Variants in SDCCAG8 observed in about 807,000 individuals in gnomAD.
The protein encoded by SDCCAG8 is serologically defined colon cancer antigen 8.
In SDCCAG8, 74 loss-of-function variants were observed where a neutral mutation model predicts 101.8. The ratio of observed to expected loss-of-function variants is 0.73; its 90% CI spans 0.60 to 0.88. SDCCAG8 has a LOEUF of 0.88. Among genes scored for constraint, SDCCAG8 ranks in the 40% least tolerant of loss-of-function variants. The pLI is 0.00. For missense variants in SDCCAG8, 787 were observed against 822.6 expected (o/e 0.96, Z 0.53); for synonymous variants, 281 against 292.9 (o/e 0.96, Z 0.41).
chr1:243,323,903 T>C (rs1182085856), intron 9 of SDCCAG8, among the ~76,000 whole-genome samples: 1 of 152,216 alleles, frequency 6.6e-6, no homozygotes, highest in African/African-American at 2.4e-5. Context: ...TGGGTCCACA[T>C]TGTACCATTC....
chr1:243,491,324 CT>C (rs1171975265), intron 17 of SDCCAG8, among the ~76,000 whole-genome samples: 1 of 152,204 alleles, frequency 6.6e-6, no homozygotes, highest in Non-Finnish European at 1.5e-5. Flanking sequence ...GTCTTTCTTT[CT>C]TCTTTTGCCT....
rs375037219 is a variant in SDCCAG8 at position 243,341,096 on chromosome 1, A to C, written c.1279A>C (p.Lys427Gln). The C allele has an allele frequency of 8.7e-6, 14 of 1,613,984 alleles. No homozygotes were observed. The African/African-American group carries it at 1.2e-4, about 14-fold the overall frequency. ...QLEAQVEKVTKEKISAINQLE... is the reference protein window; with the variant it reads ...QLEAQVEKVTQEKISAINQLE... ...GGAGGCCCAGGTGGAAAAGGTTACAAAGGAAAAGATTTCAGCTATTAATCA... is the reference window on the plus strand; with the variant it reads ...GGAGGCCCAGGTGGAAAAGGTTACACAGGAAAAGATTTCAGCTATTAATCA... Residue 427 changes from lysine (K) to glutamine (Q), a missense_variant, in exon 11 of 18, where the codon AAG becomes CAG. By Grantham distance (53) the Lys-to-Gln change is moderately conservative. Coordinates refer to ENST00000366541, the MANE Select transcript of SDCCAG8 (RefSeq NM_006642.5).
chr1:243,340,168 A>G (rs1439034373), intron 10 of SDCCAG8, among the ~76,000 whole-genome samples: 1 of 152,192 alleles, frequency 6.6e-6, no homozygotes, highest in Non-Finnish European at 1.5e-5. Context: ...AGGAACTTCT[A>G]CTCTAATGAG....
intron 16 of SDCCAG8, among the ~76,000 whole-genome samples, chr1:243,469,803 T>A (rs1660848202): frequency 6.6e-6 from 1 of 151,474 alleles, no homozygotes; most frequent in South Asian, 2.1e-4. Flanking sequence ...GGTCCCTTCC[T>A]AGCTACAGGG....
intron 5 of SDCCAG8, 99 bp from the exon 6 acceptor site, chr1:243,292,992 T>G: frequency 7.1e-7 from 1 of 1,410,652 alleles, no homozygotes. Context: ...CATATGCTTT[T>G]TCTTTTCATC....
Position 243,418,027 on chromosome 1 carries a change from G to A in SDCCAG8, c.1804G>A (p.Glu602Lys), listed in dbSNP as rs770778500. 2.5e-5 allele frequency: 40 copies of A among 1,613,040 alleles called. No homozygotes were observed. The highest frequency in any genetic ancestry group is 8.5e-7 in the Non-Finnish European group (1 of 1,179,372). The change falls in exon 15 of 18, where the codon GAA (glutamate) becomes AAA (lysine). Residue 602 changes from glutamate to lysine, a missense_variant. Glu to Lys is a moderately conservative substitution (Grantham distance 56). Coordinates refer to ENST00000366541, the MANE Select transcript of SDCCAG8 (RefSeq NM_006642.5). ...QNTFLTKLKE[E>K]CCTLAKKLEQ... is the part of the protein sequence containing the mutation. ...TACATTTTTGACAAAGTTAAAGGAA[G>A]AATGCTGTACATTAGCCAAGAAACT...
At chr1:243,421,963 G>A (rs991368850) in intron 15 of SDCCAG8, among the ~76,000 whole-genome samples, 3 of 152,114 alleles carry the variant, frequency 2.0e-5, no homozygotes, top group East Asian at 1.9e-4. Context: ...GTTGCAGTGC[G>A]GTTTGCAGTG....
chr1:243,418,154 C>T, intron 15 of SDCCAG8, 78 bp downstream of exon 15: 1 of 1,004,890 alleles, frequency 1.0e-6, no homozygotes, highest in Admixed American at 1.8e-5. Flanking sequence ...ACATCATTTG[C>T]ACTGTTTTAT....
chr1:243,350,831 A>G (rs933140432), intron 12 of SDCCAG8, among the ~76,000 whole-genome samples: 4 of 152,194 alleles, frequency 2.6e-5, no homozygotes, highest in Admixed American at 6.5e-5. Flanking sequence ...AGTAGCAGCA[A>G]TATGATTTAC....
chr1:243,423,550 C>T (rs994150204), intron 15 of SDCCAG8, among the ~76,000 whole-genome samples: 3 of 151,952 alleles, frequency 2.0e-5, no homozygotes, highest in Admixed American at 6.6e-5. Flanking sequence ...AATTTTTAAC[C>T]GTTTATGAAT....
chr1:243,394,092 C>T (rs186043816), intron 13 of SDCCAG8, among the ~76,000 whole-genome samples: 41 of 152,252 alleles, frequency 2.7e-4, no homozygotes, highest in Non-Finnish European at 5.3e-4. Context: ...ATTAAAACGA[C>T]GACTTTAACA....
intron 16 of SDCCAG8, among the ~76,000 whole-genome samples, chr1:243,483,892 C>T (rs985517640): frequency 2.0e-5 from 3 of 152,204 alleles, no homozygotes; most frequent in African/African-American, 7.2e-5. Flanking sequence ...CTAGGGGGGT[C>T]GTGCGGGCCC....
chr1:243,332,860 C>A (rs139415642), intron 10 of SDCCAG8, among the ~76,000 whole-genome samples: 4,942 of 151,660 alleles, frequency 0.033, 254 homozygotes, highest in African/African-American at 0.11. Flanking sequence ...AGGTGGTTAT[C>A]GTAGTCCAGG....
Position 243,293,214 on chromosome 1 carries a change from G to C in SDCCAG8, c.670G>C (p.Glu224Gln). 1.2e-6 allele frequency: 2 copies of C among 1,614,140 alleles called. No individual in the cohort carries two copies. Among genetic ancestry groups the C allele is most frequent in the Non-Finnish European group, 8.5e-7 (1 of 1,179,996 alleles). The change falls in exon 6 of 18, where the codon GAA (glutamate) becomes CAA (glutamine). Residue 224 changes from glutamate to glutamine, a missense_variant. Glu to Gln is a conservative substitution (Grantham distance 29). Coordinates refer to ENST00000366541, the MANE Select transcript of SDCCAG8 (RefSeq NM_006642.5). Reference protein sequence around the residue: ...GKAASAGEQLELEKLKLTYEE... With the variant: ...GKAASAGEQLQLEKLKLTYEE... ...AGCTGCATCTGCTGGTGAGCAGCTA[G>C]AACTGGTGAGTATTTGGGTGCTTTT...
intron 12 of SDCCAG8, among the ~76,000 whole-genome samples, chr1:243,359,161 G>A (rs1244822748): frequency 2.0e-5 from 3 of 152,158 alleles, no homozygotes; most frequent in African/African-American, 4.8e-5. Context: ...TGACTAGAGT[G>A]TTAGCACGTC....
chr1:243,341,199 C>A, intron 11 of SDCCAG8, 26 bp downstream of exon 11: 1 of 1,611,342 alleles, frequency 6.2e-7, no homozygotes, highest in Non-Finnish European at 8.5e-7. Context: ...TTAGTGTAAT[C>A]GTTACTTAAG....
At chr1:243,281,250 A>G (rs757841331) in intron 4 of SDCCAG8, among the ~76,000 whole-genome samples, 41 of 144,646 alleles carry the variant, frequency 2.8e-4, no homozygotes, top group Non-Finnish European at 4.4e-4. Context: ...TTTTAAATCT[A>G]TCTGTGTCTT....
chr1:243,406,169 A>T (rs2079771374), intron 13 of SDCCAG8, among the ~76,000 whole-genome samples: 1 of 152,226 alleles, frequency 6.6e-6, no homozygotes, highest in African/African-American at 2.4e-5. Context: ...GAAATGGAAA[A>T]TATGAATTTT....
chr1:243,454,538 C>T (rs758595228), intron 16 of SDCCAG8, among the ~76,000 whole-genome samples: 2 of 152,104 alleles, frequency 1.3e-5, no homozygotes, highest in East Asian at 1.9e-4. Flanking sequence ...TTGGGCATGT[C>T]GGAACAAGCA....
Sources: gnomAD v4.1 joint callset for allele counts (sites outside exome capture counted in the v4.1 genomes callset) on GRCh38, gnomAD v4.1.1 for gene constraint, MANE v1.5 for transcripts, NCBI Gene and HGNC (gene_info 2026-07-23, HGNC 2026-07-21) for gene names.